Variants in DPH6 observed in about 807,000 individuals in gnomAD.
DPH6 encodes the protein diphthamine biosynthesis 6, also known as diphthine--ammonia ligase.
In DPH6, 33 loss-of-function variants were observed where a neutral mutation model predicts 38.2. The observed-to-expected ratio is 0.86, with a 90% CI of 0.65 to 1.15. The LOEUF is 1.15. Ranked by LOEUF, DPH6 falls within the 50% of genes most tolerant of loss-of-function variation. The probability of loss-of-function intolerance (pLI) is 0.00; values close to 1 mark genes in which losing one functional copy is unlikely to be tolerated. For missense variants in DPH6, 325 were observed against 320.0 expected, an observed-to-expected ratio of 1.02 and a Z score of -0.12; for synonymous variants, 108 against 103.0, an observed-to-expected ratio of 1.05 and a Z score of -0.30.
the DPH6 span, among the ~76,000 whole-genome samples, chr15:35,147,259 A>C: frequency 1.2e-4 from 18 of 152,222 alleles, no homozygotes; most frequent in African/African-American, 4.3e-4. Context: ...GCTCTTAAGC[A>C]GCAAAACTAA....
chr15:35,332,559 A>G lies in DPH6; in HGVS notation n.208-1482T>C, dbSNP rs1443255810. 2.0e-5 allele frequency among the ~76,000 whole-genome samples: 3 copies of G among 152,172 alleles called. No individual in the cohort carries two copies. In the East Asian group the frequency reaches 5.8e-4, roughly 29 times the overall value. On this transcript the variant is annotated intron_variant and non_coding_transcript_variant, in intron 3 of 3. Transcript: ENST00000558973. ...TTTTTAAAAGGCCATATATTATTGC[A>G]GTTAAAATAGCTCAGGCCTTGGGGT...
chr15:35,256,526 A>C (rs559886754), intron 3 of DPH6, among the ~76,000 whole-genome samples: 9 of 152,146 alleles, frequency 5.9e-5, no homozygotes, highest in Non-Finnish European at 1.2e-4. Context: ...CTAAAATATA[A>C]TTTTTTTTCT....
intron 6 of DPH6, among the ~76,000 whole-genome samples, chr15:35,384,923 A>C (rs1390548211): frequency 6.6e-6 from 1 of 152,194 alleles, no homozygotes; most frequent in Non-Finnish European, 1.5e-5. Context: ...CAAATTTACA[A>C]GAAAAAAAAC....
intron 3 of DPH6, among the ~76,000 whole-genome samples, chr15:35,530,437 T>C (rs2055069292): frequency 6.6e-6 from 1 of 151,510 alleles, no homozygotes; most frequent in African/African-American, 2.4e-5. Context: ...ATATATAGAG[T>C]AGATGATAAG....
chr15:35,537,013 A>T (rs2055180228), intron 3 of DPH6, among the ~76,000 whole-genome samples: 1 of 151,984 alleles, frequency 6.6e-6, no homozygotes, highest in African/African-American at 2.4e-5. Flanking sequence ...TTTTGGAACT[A>T]CTCTAAGGGT....
intron 6 of DPH6, chr15:35,396,536 C>T (rs924395618): frequency 6.6e-6 from 1 of 152,120 alleles, no homozygotes; most frequent in Non-Finnish European, 1.5e-5. Flanking sequence ...GTCAAAAATC[C>T]TATCTATCCT....
chr15:35,299,469 C>A (rs1595467026), intron 3 of DPH6: 20 of 765,154 alleles, frequency 2.6e-5, no homozygotes, highest in South Asian at 2.7e-5. Flanking sequence ...CCGGCCCGCC[C>A]GCCGACTCTG....
chr15:35,469,162 G>A (rs1433907476), intron 3 of DPH6, among the ~76,000 whole-genome samples: 1 of 152,062 alleles, frequency 6.6e-6, no homozygotes, highest in Non-Finnish European at 1.5e-5. Flanking sequence ...TGTAGGCCAT[G>A]GTAAAGAATT....
chr15:35,404,269 T>C (rs1343368215), intron 6 of DPH6, among the ~76,000 whole-genome samples: 10 of 152,164 alleles, frequency 6.6e-5, no homozygotes, highest in African/African-American at 2.4e-4. Flanking sequence ...GATCATATAG[T>C]AGCTCTATTT....
At chr15:35,520,536 T>C (rs1902674635) in intron 3 of DPH6, 2 of 984,492 alleles carry the variant, frequency 2.0e-6, no homozygotes, top group African/African-American at 3.5e-5. Flanking sequence ...TCAAAGGTAC[T>C]TTCAGTACAT....
chr15:35,486,276 T>A (rs1566927793), intron 3 of DPH6, among the ~76,000 whole-genome samples: 1 of 151,976 alleles, frequency 6.6e-6, no homozygotes, highest in Non-Finnish European at 1.5e-5. Flanking sequence ...TATCTCCACC[T>A]GGTCCCACCC....
rs1208314298 is a variant in DPH6 at position 35,410,913 on chromosome 15, C to T, written c.506-17G>A. 1.3e-6 allele frequency: 2 copies of T among 1,598,274 alleles called. No homozygotes were observed. Among genetic ancestry groups the T allele is most frequent in the Middle Eastern group, 1.7e-4 (1 of 6,008 alleles). ...GATCTAAACCTGCCAAGAAAGGTTA[C>T]ATTTTTTAAAGATAACTATCAGATA... On this transcript the variant is annotated splice_polypyrimidine_tract_variant and intron_variant, in intron 5 of 8. Transcript: ENST00000256538.
At chr15:35,436,736 G>GA (rs2053720677) in intron 5 of DPH6, among the ~76,000 whole-genome samples, 1 of 141,812 alleles carries the variant, frequency 7.1e-6, no homozygotes, top group Non-Finnish European at 1.5e-5. Context: ...TCTCAGTTAA[G>GA]ACAGCCCTGC....
At chr15:35,256,394 G>T (rs2051708398) in intron 3 of DPH6, among the ~76,000 whole-genome samples, 1 of 152,156 alleles carries the variant, frequency 6.6e-6, no homozygotes, top group Non-Finnish European at 1.5e-5. Flanking sequence ...TTTGATTTGG[G>T]TTTTCTAATG....
intron 3 of DPH6, among the ~76,000 whole-genome samples, chr15:35,233,331 G>A (rs1353394498): frequency 2.6e-5 from 4 of 151,764 alleles, no homozygotes; most frequent in African/African-American, 7.3e-5. Flanking sequence ...AATAAATGAA[G>A]GGGTACTACA....
intron 3 of DPH6, among the ~76,000 whole-genome samples, chr15:35,275,917 A>C (rs1373081260): frequency 1.3e-5 from 2 of 152,092 alleles, no homozygotes; most frequent in African/African-American, 4.8e-5. Flanking sequence ...TTGCGTGTAC[A>C]AGTATCTTTT....
At chr15:35,535,051 T>G (rs555612273) in intron 3 of DPH6, among the ~76,000 whole-genome samples, 1 of 152,296 alleles carries the variant, frequency 6.6e-6, no homozygotes, top group South Asian at 2.1e-4. Context: ...CTGGATTACA[T>G]GCCTATCCCC....
chr15:35,289,536 G>A (rs1006346041), intron 3 of DPH6, among the ~76,000 whole-genome samples: 4 of 152,078 alleles, frequency 2.6e-5, no homozygotes, highest in African/African-American at 7.2e-5. Flanking sequence ...AAATAAAAAA[G>A]GATGAAAAGA....
intron 3 of DPH6, among the ~76,000 whole-genome samples, chr15:35,254,496 C>G (rs1391127763): frequency 6.6e-6 from 1 of 152,106 alleles, no homozygotes. Context: ...TACTTTCATT[C>G]TGGTTTTAAA....
Sources: allele counts gnomAD v4.1 joint callset (sites outside exome capture counted in the v4.1 genomes callset), GRCh38; gene constraint gnomAD v4.1.1; transcripts MANE v1.5; gene names NCBI Gene and HGNC (gene_info 2026-07-23, HGNC 2026-07-21).